UBXN6: variants seen among roughly 807,000 people sequenced by gnomAD.
The protein encoded by UBXN6 is UBX domain protein 6, also known as UBX domain-containing protein 6.
UBXN6 carries 44 observed loss-of-function variants against 51.4 expected under a neutral mutation model. The ratio of observed to expected loss-of-function variants is 0.86; its 90% CI spans 0.67 to 1.10. The LOEUF is 1.10. Ranked by LOEUF, UBXN6 falls within the 50% of genes least tolerant of loss-of-function variation. UBXN6 has a pLI of 0.00. For missense variants in UBXN6, 672 were observed against 596.1 expected, an observed-to-expected ratio of 1.13 and a Z score of -1.32; for synonymous variants, 316 against 263.2, an observed-to-expected ratio of 1.20 and a Z score of -1.94.
At position 4,457,742 on chromosome 19, in the gene UBXN6, C is replaced by T; in HGVS notation, c.-45G>A. The T allele has an allele frequency of 7.7e-7, 1 of 1,302,696 alleles. No homozygotes were observed. Among genetic ancestry groups the T allele is most frequent in the Non-Finnish European group, 1.0e-6 (1 of 977,014 alleles). The allele number at this position is 1,302,696 out of a possible 1,614,324, so 80.7% of individuals were successfully genotyped here. Reference sequence around the variant, plus strand: ...GCGGGGGGCCGCGGGGGCGGGGGGGCACGGGGCCCAGTCGGGGACGGGGCC... The same window carrying T: ...GCGGGGGGCCGCGGGGGCGGGGGGGTACGGGGCCCAGTCGGGGACGGGGCC... On this transcript the variant is annotated 5_prime_UTR_variant, in exon 1 of 11. Transcript: ENST00000301281.
chr19:4,456,855 TC>T (rs1568194369), intron 1 of UBXN6, among the ~76,000 whole-genome samples: 2 of 151,312 alleles, frequency 1.3e-5, no homozygotes, highest in Admixed American at 6.6e-5. Flanking sequence ...CGGGTAAGAG[TC>T]CATCTGTCAG....
Position 4,446,426 on chromosome 19 carries a change from G to A in UBXN6, c.921-13C>T, listed in dbSNP as rs1463928433. On this transcript the variant is annotated splice_polypyrimidine_tract_variant and intron_variant, in intron 8 of 10. Transcript: ENST00000301281. ...CACCGCCTCGGACCTGCACACGCGG[G>A]CCAGGTCACGAGGGCTGGCCGGGGT... 2 of 1,576,924 alleles carry A rather than the reference G, an allele frequency of 1.3e-6. No individual in the cohort carries two copies. Among genetic ancestry groups the A allele is most frequent in the Admixed American group, 1.8e-5 (1 of 56,010 alleles).
At chr19:4,447,211 C>A in intron 6 of UBXN6, 2 of 578,908 alleles carry the variant, frequency 3.5e-6, no homozygotes, top group East Asian at 5.7e-5. Context: ...CCGCCCAGGA[C>A]CCCAGTCCCT....
At chr19:4,446,244 C>A (rs1277311632) in intron 9 of UBXN6, 39 bp downstream of exon 9, 1 of 1,570,850 alleles carries the variant, frequency 6.4e-7, no homozygotes, top group African/African-American at 1.3e-5. Context: ...GGCCCCCTAC[C>A]AACCCGAGCC....
chr19:4,448,685 G>T, intron 4 of UBXN6: 1 of 502,094 alleles, frequency 2.0e-6, no homozygotes, highest in Admixed American at 3.3e-5. Context: ...TTGGAAGCCA[G>T]TGTGACGCGA....
chr19:4,452,103 T>C (rs1011432673), intron 4 of UBXN6, among the ~76,000 whole-genome samples: 11 of 148,636 alleles, frequency 7.4e-5, no homozygotes, highest in African/African-American at 2.7e-4. Flanking sequence ...GAGCCGAGAA[T>C]GCGCCACTGC....
At position 4,457,617 on chromosome 19, in the gene UBXN6, C is replaced by G. The variant is rs750103807; in HGVS notation, c.81G>C (p.Val27=). Residue 27 remains valine, a splice_region_variant and synonymous_variant, in exon 1 of 11, where the codon GTG becomes GTC. Transcript: ENST00000301281. ...AGPGQKLKES[V]GEKAHKEKPN... The stretch of plus-strand genomic sequence containing the variant: ...AAGCCCCTGCGTTCCTCACGCACCC[C>G]ACGGACTCTTTGAGCTTCTGACCGG... 18 of 1,598,206 alleles carry G rather than the reference C, an allele frequency of 1.1e-5. No homozygotes were observed. Among genetic ancestry groups the G allele is most frequent in the East Asian group, 2.3e-5 (1 of 43,572 alleles).
chr19:4,446,610 C>G lies in UBXN6; in HGVS notation c.810G>C (p.Leu270=). 1 of 1,612,662 alleles carries G rather than the reference C, an allele frequency of 6.2e-7. No homozygotes were observed. The highest frequency in any genetic ancestry group is 2.2e-5 in the East Asian group (1 of 44,870). Residue 270 remains leucine (L), a synonymous_variant, in exon 8 of 11, where the codon CTG becomes CTC. Coordinates refer to ENST00000301281, the MANE Select transcript of UBXN6 (RefSeq NM_025241.3). The part of the protein sequence containing the change: ...LLAAEPVRAK[L]DRQRRVFQPS... ...GCTGGAAGACGCGGCGCTGCCTGTC[C>G]AGCTTGGCGCGCACGGGCTCCGCAG...
At chr19:4,452,127 T>A (rs1974662900) in intron 4 of UBXN6, among the ~76,000 whole-genome samples, 1 of 147,236 alleles carries the variant, frequency 6.8e-6, no homozygotes, top group Non-Finnish European at 1.5e-5. Flanking sequence ...CCAGCCTGGG[T>A]GTCAGAGTGA....
chr19:4,453,455 TACC>T lies in UBXN6; in HGVS notation c.312_312+2del. 1.2e-5 allele frequency: 19 copies of T among 1,613,084 alleles called. No homozygotes were observed. The highest frequency in any genetic ancestry group is 1.6e-5 in the Non-Finnish European group (19 of 1,179,688). The stretch of plus-strand genomic sequence containing the variant: ...GGACAGTGCCACCAGTGGCTGTTCT[TACC>T]ACGTTGGTCCCTGGGGCCTCGGGGC... On this transcript the variant is annotated splice_donor_variant and coding_sequence_variant, in exon 3 of 11. Coordinates refer to ENST00000301281, the MANE Select transcript of UBXN6 (RefSeq NM_025241.3). LOFTEE classifies it high-confidence loss of function.
At chr19:4,448,735 C>T (rs1974594695) in intron 4 of UBXN6, 2 of 364,622 alleles carry the variant, frequency 5.5e-6, no homozygotes, top group Non-Finnish European at 1.0e-5. Context: ...AACTCGACCT[C>T]AGTGCTGAGA....
At position 4,454,128 on chromosome 19, in the gene UBXN6, C is replaced by T. The variant is rs779239919; in HGVS notation, c.84-35G>A. On this transcript the variant is annotated intron_variant, in intron 1 of 10. Coordinates refer to ENST00000301281, the MANE Select transcript of UBXN6 (RefSeq NM_025241.3). ...GACCGAGGGAGAGTGAGTGTATCCT[C>T]CCGAGGTGGCCGGCAAAGCTGACGT... 1.0e-5 allele frequency: 15 copies of T among 1,490,260 alleles called. No homozygotes were observed. The Admixed American group carries it at 3.3e-4, about 33-fold the overall frequency. 92.3% of individuals were successfully genotyped at this position (1,490,260 alleles called of 1,614,324 possible).
chr19:4,446,338 G>A lies in UBXN6; in HGVS notation c.996C>T (p.Arg332=), dbSNP rs1342592150. 1.9e-6 allele frequency: 3 copies of A among 1,571,220 alleles called. No individual in the cohort carries two copies. Among genetic ancestry groups the A allele is most frequent in the Non-Finnish European group, 2.6e-6 (3 of 1,164,742 alleles). The change falls in exon 9 of 11, where the codon CGC becomes CGT. Residue 332 remains arginine (R), a synonymous_variant. Coordinates refer to ENST00000301281, the MANE Select transcript of UBXN6 (RefSeq NM_025241.3). ...CGCGCAGCAGCGTGTAGTTGTACTT[G>A]CGCAGCCCCCGCTGCTCCTCCTTCT... ...MREKEEQRGL[R]KYNYTLLRVR...
chr19:4,452,294 C>T, intron 4 of UBXN6, 70 bp downstream of exon 4: 1 of 1,579,838 alleles, frequency 6.3e-7, no homozygotes, highest in Non-Finnish European at 8.6e-7. Flanking sequence ...ACCACCTGGG[C>T]TTCCGATGGA....
At chr19:4,446,249 C>T (rs780161784) in intron 9 of UBXN6, 34 bp downstream of exon 9, 24 of 1,570,414 alleles carry the variant, frequency 1.5e-5, no homozygotes, top group East Asian at 9.2e-5. Flanking sequence ...CCTACCAACC[C>T]GAGCCGCCCT....
In UBXN6 at chr19:4,452,368, A is replaced by G; in HGVS notation, c.437T>C (p.Leu146Pro). 6.2e-7 allele frequency: 1 copy of G among 1,613,540 alleles called. No homozygotes were observed. Among genetic ancestry groups the G allele is most frequent in the South Asian group, 1.1e-5 (1 of 91,028 alleles). Residue 146 changes from leucine to proline, a missense_variant, in exon 4 of 11, where the codon CTC becomes CCC. By Grantham distance (98) the Leu-to-Pro change is moderately conservative (BLOSUM62 -3). Coordinates refer to ENST00000301281, the MANE Select transcript of UBXN6 (RefSeq NM_025241.3). ...AGCACACAGGGTGCCACTCACCAAG[A>G]GAATGGCCTCCTTGATGCAGGCGTC... The part of the protein sequence containing the change: ...QRDACIKEAI[L>P]LHFSTDPVAA...
At position 4,447,627 on chromosome 19, in the gene UBXN6, T is replaced by G; in HGVS notation, c.540-2A>C. 6.2e-7 allele frequency: 1 copy of G among 1,613,778 alleles called. No individual in the cohort carries two copies. The highest frequency in any genetic ancestry group is 1.3e-5 in the African/African-American group (1 of 75,048). ...TGCAGGTGGATGTTGTCCAGGTACC[T>G]GGGGTAGGTGGAGAAGGTGAGTGGG... On this transcript the variant is annotated splice_acceptor_variant, in intron 5 of 10. Coordinates refer to ENST00000301281, the MANE Select transcript of UBXN6 (RefSeq NM_025241.3). LOFTEE classifies it high-confidence loss of function.
chr19:4,457,338 C>G (rs1296163063), intron 1 of UBXN6, among the ~76,000 whole-genome samples: 1 of 141,620 alleles, frequency 7.1e-6, no homozygotes. Context: ...TCCCGCCCCG[C>G]CCCCTGCGCT....
Position 4,446,103 on chromosome 19 carries a change from C to T in UBXN6, c.1146G>A (p.Ser382=), listed in dbSNP as rs753672836. 1.7e-5 allele frequency: 28 copies of T among 1,612,652 alleles called. No homozygotes were observed. Among genetic ancestry groups the T allele is most frequent in the African/African-American group, 1.1e-4 (8 of 74,938 alleles). Reference sequence around the variant, plus strand: ...CGTCCTCGGACAGCTTCTGCCCTCCCGAGGCCAGCAGCTCAAAAGGCAGCC... The same window carrying T: ...CGTCCTCGGACAGCTTCTGCCCTCCTGAGGCCAGCAGCTCAAAAGGCAGCC... The part of the protein sequence containing the change: ...SDWLPFELLA[S]GGQKLSEDEN... Residue 382 remains serine, a synonymous_variant, in exon 10 of 11, where the codon TCG becomes TCA. Coordinates refer to ENST00000301281, the MANE Select transcript of UBXN6 (RefSeq NM_025241.3).
Sources: gnomAD v4.1 joint callset for allele counts (sites outside exome capture counted in the v4.1 genomes callset) on GRCh38, gnomAD v4.1.1 for gene constraint, MANE v1.5 for transcripts, NCBI Gene and HGNC (gene_info 2026-07-23, HGNC 2026-07-21) for gene names.